Variants in GFOD1 observed in about 807,000 individuals in gnomAD.
GFOD1 encodes the protein Gfo/Idh/MocA-like oxidoreductase domain containing 1.
Under a neutral mutation model 25.4 loss-of-function variants are expected in GFOD1, and 9 were observed. The ratio of observed to expected loss-of-function variants is 0.35; its 90% CI spans 0.21 to 0.62. The LOEUF is 0.62. Ranked by LOEUF, GFOD1 falls within the 20% of genes least tolerant of loss-of-function variation. The pLI, the probability that GFOD1 is intolerant of heterozygous loss-of-function variation, is 0.72. For missense variants in GFOD1, 403 were observed against 556.9 expected (o/e 0.72, Z 2.78); for synonymous variants, 253 against 245.6 (o/e 1.03, Z -0.28).
chr6:13,398,058 G>C (rs1785770257), intron 1 of GFOD1, among the ~76,000 whole-genome samples: 1 of 152,282 alleles, frequency 6.6e-6, no homozygotes, highest in African/African-American at 2.4e-5. Context: ...TCTGCCGCTG[G>C]GTTTGACTCC....
intron 1 of GFOD1, among the ~76,000 whole-genome samples, chr6:13,458,365 G>A (rs1184574633): frequency 2.6e-5 from 4 of 152,012 alleles, no homozygotes; most frequent in East Asian, 1.9e-4. Context: ...ATCCGCCCCC[G>A]CTTGGCCTCC....
chr6:13,399,158 T>C (rs1364889679), intron 1 of GFOD1, among the ~76,000 whole-genome samples: 1 of 151,960 alleles, frequency 6.6e-6, no homozygotes, highest in East Asian at 1.9e-4. Context: ...CCACCAAGCC[T>C]GGATTAATTT....
intron 1 of GFOD1, among the ~76,000 whole-genome samples, chr6:13,450,401 C>T (rs1054835550): frequency 5.3e-5 from 8 of 152,132 alleles, no homozygotes; most frequent in Non-Finnish European, 7.3e-5. Context: ...CAAGATCACC[C>T]CCAGGTTTGG....
At chr6:13,376,197 G>A (rs895685241) in intron 1 of GFOD1, among the ~76,000 whole-genome samples, 1 of 152,220 alleles carries the variant, frequency 6.6e-6, no homozygotes, top group African/African-American at 2.4e-5. Flanking sequence ...TAAGGAGGCA[G>A]GGAGGTGGGA....
At chr6:13,464,111 C>T (rs754347420) in intron 1 of GFOD1, among the ~76,000 whole-genome samples, 1 of 152,180 alleles carries the variant, frequency 6.6e-6, no homozygotes, top group Admixed American at 6.5e-5. Context: ...CACTCATTTT[C>T]CCCTTTCCCA....
At chr6:13,413,054 A>G (rs997482222) in intron 1 of GFOD1, among the ~76,000 whole-genome samples, 2 of 152,110 alleles carry the variant, frequency 1.3e-5, no homozygotes, top group African/African-American at 4.8e-5. Flanking sequence ...CACATGGCCC[A>G]CCCTCTTGGC....
chr6:13,435,619 C>A (rs1258014409), intron 1 of GFOD1, among the ~76,000 whole-genome samples: 1 of 152,318 alleles, frequency 6.6e-6, no homozygotes, highest in East Asian at 1.9e-4. Flanking sequence ...GGTTGGTAAA[C>A]AGCTACTGCT....
At chr6:13,377,961 C>T (rs998235199) in intron 1 of GFOD1, among the ~76,000 whole-genome samples, 4 of 152,170 alleles carry the variant, frequency 2.6e-5, no homozygotes, top group African/African-American at 9.7e-5. Context: ...GTCCCCACCT[C>T]TGGGCTCCCT....
At chr6:13,382,127 A>G (rs1281517660) in intron 1 of GFOD1, among the ~76,000 whole-genome samples, 3 of 152,170 alleles carry the variant, frequency 2.0e-5, no homozygotes, top group Non-Finnish European at 4.4e-5. Flanking sequence ...TGGTTGAGCC[A>G]GGATCCAAAC....
intron 1 of GFOD1, among the ~76,000 whole-genome samples, chr6:13,454,354 C>A (rs1290326379): frequency 6.6e-6 from 1 of 152,206 alleles, no homozygotes; most frequent in Non-Finnish European, 1.5e-5. Flanking sequence ...CTAATATAAG[C>A]CCATCAAACT....
Position 13,365,195 on chromosome 6 carries a change from C to A in GFOD1, c.721G>T (p.Val241Leu), listed in dbSNP as rs747995227. ...ACATCCTGCTTGAACTCGCCGGGCA[C>A]GTTGAAGTTGAGGGTGACGGTGCAG... ...VCCTVTLNFN[V>L]PGEFKQDVTV... Residue 241 changes from valine (V) to leucine (L), a missense_variant, in exon 2 of 2, where the codon GTG becomes TTG. Transcript: ENST00000379287. This position sits in a 1 kb window ranked among gnomAD's most constrained non-coding sequence, Gnocchi z 9.2. 5 of 1,614,012 alleles carry A rather than the reference C, an allele frequency of 3.1e-6. No homozygotes were observed. Among genetic ancestry groups the A allele is most frequent in the Non-Finnish European group, 4.2e-6 (5 of 1,180,012 alleles).
rs1214873498 is a variant in GFOD1 at position 13,364,771 on chromosome 6, C to T, written c.1145G>A (p.Arg382His). The T allele has an allele frequency of 2.5e-6, 4 of 1,613,392 alleles. No individual in the cohort carries two copies. Among genetic ancestry groups the T allele is most frequent in the East Asian group, 4.5e-5 (2 of 44,868 alleles). ...SPAYLISEAM[R>H]RSRMSLYC ...ACAGTAGAGGGACATCCTGCTGCGG[C>T]GCATGGCCTCGCTGATCAGGTAGGC... Residue 382 changes from arginine to histidine, a missense_variant, in exon 2 of 2, where the codon CGC (arginine) becomes CAC (histidine). By Grantham distance (29) the Arg-to-His change is conservative. Transcript: ENST00000379287. The surrounding 1 kb of genome is among the most constrained non-coding windows in gnomAD (Gnocchi z 4.1).
chr6:13,483,828 C>T (rs1441619694), intron 1 of GFOD1, among the ~76,000 whole-genome samples: 1 of 152,134 alleles, frequency 6.6e-6, no homozygotes, highest in African/African-American at 2.4e-5. Context: ...GGTCTAGGAG[C>T]AAAGTGACTC....
intron 1 of GFOD1, among the ~76,000 whole-genome samples, chr6:13,403,713 T>C (rs762480127): frequency 6.6e-5 from 10 of 152,250 alleles, no homozygotes; most frequent in East Asian, 3.8e-4. Context: ...AGTGCTGATA[T>C]ATGCTGCAAC....
chr6:13,482,146 AAT>A (rs1489384772), intron 1 of GFOD1, among the ~76,000 whole-genome samples: 1 of 148,796 alleles, frequency 6.7e-6, no homozygotes, highest in African/African-American at 2.4e-5. Flanking sequence ...TATATCTATA[AAT>A]ATGTTAATAT....
At chr6:13,443,816 TAAAAAAAA>T (rs34976657) in intron 1 of GFOD1, among the ~76,000 whole-genome samples, 1,932 of 112,124 alleles carry the variant, frequency 0.017, 67 homozygotes, top group African/African-American at 0.067. Context: ...GACTCAGTCT[TAAAAAAAA>T]AAAAAAAAAA....
intron 1 of GFOD1, among the ~76,000 whole-genome samples, chr6:13,377,135 C>A (rs1040865306): frequency 2.6e-5 from 4 of 152,004 alleles, no homozygotes; most frequent in Non-Finnish European, 4.4e-5. Context: ...CATGACAACA[C>A]TCAGTTGTAG....
chr6:13,403,049 T>C (rs1785877499), intron 1 of GFOD1, among the ~76,000 whole-genome samples: 1 of 152,048 alleles, frequency 6.6e-6, no homozygotes, highest in Non-Finnish European at 1.5e-5. Context: ...CATTATACAG[T>C]GTACTTACAC....
chr6:13,406,133 G>T (rs1325770703), intron 1 of GFOD1, among the ~76,000 whole-genome samples: 3 of 152,146 alleles, frequency 2.0e-5, no homozygotes, highest in African/African-American at 7.2e-5. Flanking sequence ...GGGCAGGGGT[G>T]GAAAGAACCC....
Sources: allele counts gnomAD v4.1 joint callset (sites outside exome capture counted in the v4.1 genomes callset), GRCh38; gene constraint gnomAD v4.1.1; non-coding constraint Gnocchi (gnomAD v3.1); transcripts MANE v1.5; gene names NCBI Gene and HGNC (gene_info 2026-07-23, HGNC 2026-07-21).